TMEFF1: variants seen among roughly 807,000 people sequenced by gnomAD.
The protein encoded by TMEFF1 is tomoregulin-1.
A neutral mutation model predicts 47.5 loss-of-function variants in TMEFF1; 20 were observed. The observed-to-expected ratio is 0.42, with a 90% CI of 0.30 to 0.61. TMEFF1 has a LOEUF of 0.61. Among genes scored for constraint, TMEFF1 ranks in the 20% least tolerant of loss-of-function variants. TMEFF1 has a pLI of 0.19. For missense variants in TMEFF1, 411 were observed against 471.1 expected (o/e 0.87, Z 1.18); for synonymous variants, 162 against 166.3 (o/e 0.97, Z 0.20).
At chr9:100,552,950 T>A (rs1353118926) in intron 7 of TMEFF1, among the ~76,000 whole-genome samples, 4 of 151,968 alleles carry the variant, frequency 2.6e-5, no homozygotes, top group Non-Finnish European at 4.4e-5. Flanking sequence ...AGCACAGATA[T>A]AGAACATTTT....
At chr9:100,510,454 G>A (rs887737097) in intron 3 of TMEFF1, among the ~76,000 whole-genome samples, 15 of 152,044 alleles carry the variant, frequency 9.9e-5, no homozygotes, top group Non-Finnish European at 2.1e-4. Flanking sequence ...AGGAAAGCTT[G>A]CCTGAGCATC....
chr9:100,504,707 G>A (rs1189977836), intron 2 of TMEFF1, among the ~76,000 whole-genome samples: 2 of 152,192 alleles, frequency 1.3e-5, no homozygotes, highest in Non-Finnish European at 2.9e-5. Context: ...ATAGTCACAT[G>A]GTTGGTGGGC....
chr9:100,541,580 G>A (rs1235473459), intron 5 of TMEFF1, among the ~76,000 whole-genome samples: 1 of 151,644 alleles, frequency 6.6e-6, no homozygotes, highest in Non-Finnish European at 1.5e-5. Context: ...CACTACGTTG[G>A]CCAGGTGGGT....
chr9:100,559,349 C>T (rs1479152393), intron 7 of TMEFF1, among the ~76,000 whole-genome samples: 1 of 152,094 alleles, frequency 6.6e-6, no homozygotes, highest in Non-Finnish European at 1.5e-5. Flanking sequence ...TTCCCAGCAC[C>T]TAACAGAGTA....
chr9:100,506,342 A>C (rs1487317175), intron 2 of TMEFF1, among the ~76,000 whole-genome samples: 2 of 152,204 alleles, frequency 1.3e-5, no homozygotes, highest in African/African-American at 4.8e-5. Flanking sequence ...GACTTATTTT[A>C]CATGTATTCA....
intron 5 of TMEFF1, among the ~76,000 whole-genome samples, chr9:100,539,478 C>T (rs558015740): frequency 1.3e-5 from 2 of 152,094 alleles, no homozygotes; most frequent in East Asian, 1.9e-4. Flanking sequence ...CTGGTGGGTT[C>T]GTAGTCTTGC....
In TMEFF1 at chr9:100,513,297, T is replaced by C. The variant is rs765565173; in HGVS notation, c.437-10T>C. The stretch of plus-strand genomic sequence containing the variant: ...AAATGTTCATATTCATTCTTTGTTT[T>C]TCTTCTCAGATAATGGATCTGGATC... On this transcript the variant is annotated splice_polypyrimidine_tract_variant and intron_variant, in intron 3 of 9. Coordinates refer to ENST00000374879, the MANE Select transcript of TMEFF1 (RefSeq NM_003692.5). The C allele has an allele frequency of 3.8e-6, 6 of 1,596,446 alleles. No homozygotes were observed. The highest frequency in any genetic ancestry group is 5.1e-6 in the Non-Finnish European group (6 of 1,174,294).
chr9:100,500,653 C>T (rs563518323), intron 2 of TMEFF1, among the ~76,000 whole-genome samples: 23 of 152,236 alleles, frequency 1.5e-4, no homozygotes, highest in South Asian at 4.2e-4. Flanking sequence ...ATGTTATTGC[C>T]GCTTTAAAAT....
At position 100,491,882 on chromosome 9, in the gene TMEFF1, C is replaced by CTT. The variant is rs145822143; in HGVS notation, c.197-6868_197-6867dup. ...TTTTTCTTTGAGAATAGTTTCTTTCCTTTTTTTTTTTTTTTTGAGACAGAG... is the reference window on the plus strand; with the variant it reads ...TTTTTCTTTGAGAATAGTTTCTTTCCTTTTTTTTTTTTTTTTTTGAGACAGAG... On this transcript the variant is annotated intron_variant, in intron 1 of 9. Transcript: ENST00000374879. Among the ~76,000 whole-genome samples the CTT allele has an allele frequency of 4.2e-3, 580 of 137,432 alleles. 6 individuals are homozygous for CTT. The highest frequency in any genetic ancestry group is 0.011 in the African/African-American group (433 of 37,686). 90.2% of individuals were successfully genotyped at this position (137,432 alleles called of 152,430 possible).
chr9:100,487,800 G>A (rs1352084998), intron 1 of TMEFF1, among the ~76,000 whole-genome samples: 2 of 151,244 alleles, frequency 1.3e-5, no homozygotes, highest in Non-Finnish European at 2.9e-5. Context: ...AGGAAACTGG[G>A]ATTCTCAGAT....
intron 1 of TMEFF1, among the ~76,000 whole-genome samples, chr9:100,479,648 C>T (rs79696361): frequency 0.025 from 3,833 of 152,204 alleles, 161 homozygotes; most frequent in African/African-American, 0.087. Flanking sequence ...GGCTTCTTTC[C>T]CTTAGCATAA....
At chr9:100,500,654 G>A (rs532158088) in intron 2 of TMEFF1, among the ~76,000 whole-genome samples, 6 of 152,220 alleles carry the variant, frequency 3.9e-5, no homozygotes, top group South Asian at 4.2e-4. Context: ...TGTTATTGCC[G>A]CTTTAAAATA....
intron 5 of TMEFF1, among the ~76,000 whole-genome samples, chr9:100,541,537 C>G (rs1364394728): frequency 1.3e-5 from 2 of 151,828 alleles, no homozygotes; most frequent in African/African-American, 4.8e-5. Flanking sequence ...CTACACCCAA[C>G]TAATTTTTTG....
At chr9:100,512,366 G>C (rs1837984071) in intron 3 of TMEFF1, among the ~76,000 whole-genome samples, 1 of 152,126 alleles carries the variant, frequency 6.6e-6, no homozygotes, top group Non-Finnish European at 1.5e-5. Context: ...TGTGGTATCT[G>C]GGAATTTGAT....
At chr9:100,517,727 A>G (rs891969550) in intron 5 of TMEFF1, among the ~76,000 whole-genome samples, 3 of 152,214 alleles carry the variant, frequency 2.0e-5, no homozygotes, top group African/African-American at 7.2e-5. Context: ...TATTGGTCAC[A>G]TAGATTGACC....
At chr9:100,509,496 G>A (rs1837922244) in intron 3 of TMEFF1, among the ~76,000 whole-genome samples, 1 of 152,138 alleles carries the variant, frequency 6.6e-6, no homozygotes, top group Non-Finnish European at 1.5e-5. Flanking sequence ...GAGGAAGGTC[G>A]GGTGCGGTGG....
intron 1 of TMEFF1, among the ~76,000 whole-genome samples, chr9:100,478,460 CG>C (rs1837275164): frequency 6.6e-6 from 1 of 152,076 alleles, no homozygotes; most frequent in African/African-American, 2.4e-5. Flanking sequence ...ACTACAGGTG[CG>C]TGCCACCACA....
intron 2 of TMEFF1, among the ~76,000 whole-genome samples, chr9:100,505,430 A>C (rs1029824659): frequency 6.6e-6 from 1 of 150,434 alleles, no homozygotes. Flanking sequence ...AAAAAAAAAA[A>C]AAAAAAAAAA....
chr9:100,486,255 T>A (rs1837446451), intron 1 of TMEFF1, among the ~76,000 whole-genome samples: 1 of 152,210 alleles, frequency 6.6e-6, no homozygotes, highest in Non-Finnish European at 1.5e-5. Context: ...CATCAGAAAA[T>A]TTTTGAACTT....
Sources: allele counts gnomAD v4.1 joint callset (sites outside exome capture counted in the v4.1 genomes callset), GRCh38; gene constraint gnomAD v4.1.1; transcripts MANE v1.5; gene names NCBI Gene and HGNC (gene_info 2026-07-23, HGNC 2026-07-21).